PER1: variants seen among roughly 807,000 people sequenced by gnomAD.
PER1 encodes period circadian regulator 1.
A neutral mutation model predicts 125.9 loss-of-function variants in PER1; 87 were observed. The observed-to-expected ratio is 0.69, with a 90% CI of 0.58 to 0.83. PER1 has a LOEUF of 0.83. Among genes scored for constraint, PER1 ranks in the 40% least tolerant of loss-of-function variants. PER1 has a pLI of 0.00. For synonymous variants in PER1, 801 were observed against 714.7 expected, an observed-to-expected ratio of 1.12 and a Z score of -1.93; for missense variants, 1,775 against 1,722.8, an observed-to-expected ratio of 1.03 and a Z score of -0.54.
intron 1 of PER1, 46 bp from the exon 2 acceptor site, chr17:8,150,891 A>C: frequency 5.5e-6 from 3 of 546,946 alleles, no homozygotes; most frequent in East Asian, 3.1e-5. Flanking sequence ...AGCTGGTTTA[A>C]CTCCAGAGCA....
chr17:8,142,153 C>T, intron 21 of PER1, 116 bp downstream of exon 21: 2 of 1,117,604 alleles, frequency 1.8e-6, no homozygotes, highest in East Asian at 2.5e-5. Context: ...CTCCAAGGAG[C>T]AGGAAGAAAG....
At chr17:8,145,228 C>T (rs1323320409) in intron 17 of PER1, 2 of 391,298 alleles carry the variant, frequency 5.1e-6, no homozygotes, top group Non-Finnish European at 9.0e-6. Flanking sequence ...CTCCAGTGGC[C>T]ACTCCCTGCC....
chr17:8,144,936 G>A lies in PER1; in HGVS notation c.2276C>T (p.Ala759Val). The A allele has an allele frequency of 1.3e-6, 2 of 1,519,552 alleles. No individual in the cohort carries two copies. Among genetic ancestry groups the A allele is most frequent in the Non-Finnish European group, 8.8e-7 (1 of 1,132,348 alleles). The allele number at this position is 1,519,552 out of a possible 1,614,324, so 94.1% of individuals were successfully genotyped here. ...GLAPGPAPSP[A>V]PSPTVAPDPA... ...GTCAGGGGCTACTGTGGGGCTGGGG[G>A]CTGGGCTGGGGGCTGGGCCTGGGGC... Residue 759 changes from alanine (A) to valine (V), a missense_variant, in exon 18 of 23, where the codon GCC (alanine) becomes GTC (valine). Transcript: ENST00000317276.
chr17:8,148,400 C>A (rs1982598090), intron 8 of PER1, 141 bp from the exon 9 acceptor site: 1 of 822,656 alleles, frequency 1.2e-6, no homozygotes, highest in Non-Finnish European at 2.0e-6. Flanking sequence ...ATGGTCTGGG[C>A]CAATCCTATG....
intron 6 of PER1, 49 bp downstream of exon 6, chr17:8,149,413 G>A: frequency 6.2e-7 from 1 of 1,607,206 alleles, no homozygotes; most frequent in Admixed American, 1.7e-5. Context: ...CTCACAGCAG[G>A]AATTTCCTGG....
rs1982135076 is a variant in PER1, at chr17:8,142,350, T to C, written c.3368A>G (p.Lys1123Arg). 1 of 1,613,816 alleles carries C rather than the reference T, an allele frequency of 6.2e-7. No individual in the cohort carries two copies. Among genetic ancestry groups the C allele is most frequent in the African/African-American group, 1.3e-5 (1 of 74,938 alleles). ...GGAEPGDQVI[K>R]YVLQDPIWLL... is the part of the protein sequence containing the mutation. Reference sequence around the variant, plus strand: ...CCAAATGGGATCCTGGAGCACGTACTTAATCACCTGGTCCCCAGGCTCAGC... The same window carrying C: ...CCAAATGGGATCCTGGAGCACGTACCTAATCACCTGGTCCCCAGGCTCAGC... The change falls in exon 21 of 23, where the codon AAG becomes AGG. Residue 1123 changes from lysine (K) to arginine (R), a missense_variant. Coordinates refer to ENST00000317276, the MANE Select transcript of PER1 (RefSeq NM_002616.3).
intron 17 of PER1, among the ~76,000 whole-genome samples, chr17:8,145,540 T>C (rs1041518719): frequency 6.6e-6 from 1 of 152,108 alleles, no homozygotes; most frequent in Non-Finnish European, 1.5e-5. Flanking sequence ...CCCAGGCTGA[T>C]CTCGAGCTCC....
chr17:8,150,607 G>T lies in PER1; in HGVS notation c.100C>A (p.Arg34=), dbSNP rs1236897784. Reference sequence around the variant, plus strand: ...GCCAGGCTGGGGCCTGGGCAAGGCCGGTGCTGTGGGGGCCCAGGGGATGGG... The same window carrying T: ...GCCAGGCTGGGGCCTGGGCAAGGCCTGTGCTGTGGGGGCCCAGGGGATGGG... ...GVPSPGPPQH[R]PCPGPSLADD... The change falls in exon 2 of 23, where the codon CGG becomes AGG. Residue 34 remains arginine (R), a synonymous_variant. Coordinates refer to ENST00000317276, the MANE Select transcript of PER1 (RefSeq NM_002616.3). The T allele has an allele frequency of 1.9e-6, 3 of 1,613,608 alleles. No homozygotes were observed. The highest frequency in any genetic ancestry group is 2.5e-6 in the Non-Finnish European group (3 of 1,179,882).
rs1451882756 is a variant in PER1, at chr17:8,143,248, G to A, written c.3072+18C>T. The A allele has an allele frequency of 3.4e-6, 5 of 1,452,420 alleles. No individual in the cohort carries two copies. The highest frequency in any genetic ancestry group is 4.6e-6 in the Non-Finnish European group (5 of 1,098,426). 90.0% of individuals were successfully genotyped at this position (1,452,420 alleles called of 1,614,324 possible). On this transcript the variant is annotated intron_variant, in intron 19 of 22. Coordinates refer to ENST00000317276, the MANE Select transcript of PER1 (RefSeq NM_002616.3). ...CTGGGGTGGGGGCTGGCAGGCAGACGCAGGGGTCAGTGCTCACCAGTCTGG... is the reference window on the plus strand; with the variant it reads ...CTGGGGTGGGGGCTGGCAGGCAGACACAGGGGTCAGTGCTCACCAGTCTGG...
intron 18 of PER1, chr17:8,144,090 G>C (rs1356461068): frequency 2.9e-6 from 2 of 695,384 alleles, no homozygotes; most frequent in Non-Finnish European, 4.5e-6. Flanking sequence ...AAAGGAACAA[G>C]GCCAGGGAGA....
At chr17:8,143,091 G>A (rs1338094438) in intron 19 of PER1, among the ~76,000 whole-genome samples, 175 bp downstream of exon 19, 3 of 152,212 alleles carry the variant, frequency 2.0e-5, no homozygotes, top group South Asian at 4.1e-4. Context: ...AGACAGGACT[G>A]TCCCTTCAAA....
chr17:8,151,495 G>A (rs1982862114), intron 1 of PER1, among the ~76,000 whole-genome samples: 1 of 152,130 alleles, frequency 6.6e-6, no homozygotes, highest in Admixed American at 6.5e-5. Context: ...TGGCTCGGTG[G>A]CCGTAAGAAG....
Position 8,146,685 on chromosome 17 carries a change from C to T in PER1, c.1816G>A (p.Ala606Thr), listed in dbSNP as rs767902820. 1.6e-5 allele frequency: 26 copies of T among 1,613,702 alleles called. No individual in the cohort carries two copies. Among genetic ancestry groups the T allele is most frequent in the Non-Finnish European group, 2.2e-5 (26 of 1,180,012 alleles). The change falls in exon 15 of 23, where the codon GCC becomes ACC. Residue 606 changes from alanine (A) to threonine (T), a missense_variant. Ala to Thr is a moderately conservative substitution (Grantham distance 58, BLOSUM62 0). Transcript: ENST00000317276. ...ELEAGSAPVQAPLALVPEEAE... is the reference protein window; with the variant it reads ...ELEAGSAPVQTPLALVPEEAE... Reference sequence around the variant, plus strand: ...TCCTCAGGGACCAAGGCTAGTGGGGCCTGGACGGGAGCAGAACCCGCCTCC... The same window carrying T: ...TCCTCAGGGACCAAGGCTAGTGGGGTCTGGACGGGAGCAGAACCCGCCTCC...
At position 8,148,043 on chromosome 17, in the gene PER1, G is replaced by T. The variant is rs779134901; in HGVS notation, c.1188C>A (p.Phe396Leu). 4.7e-5 allele frequency: 76 copies of T among 1,613,100 alleles called. No homozygotes were observed. In the Admixed American group the frequency reaches 1.3e-3, roughly 27 times the overall value. ...TGAGGGGTCGGTCCTCAGGATGCAG[G>T]AACAGGAGCACTGGGGCCCCCAGGA... ...QDLLGAPVLL[F>L]LHPEDRPLML... is the part of the protein sequence containing the mutation. The change falls in exon 10 of 23, where the codon TTC (phenylalanine) becomes TTA (leucine). Residue 396 changes from phenylalanine to leucine, a missense_variant. Physicochemically the swap from Phe to Leu is conservative, Grantham distance 22. Transcript: ENST00000317276.
rs1177553392 is a variant in PER1, at chr17:8,149,861, T to C, written c.545A>G (p.Tyr182Cys). The C allele has an allele frequency of 6.2e-7, 1 of 1,614,112 alleles. No individual in the cohort carries two copies. Among genetic ancestry groups the C allele is most frequent in the East Asian group, 2.2e-5 (1 of 44,882 alleles). The change falls in exon 5 of 23, where the codon TAC (tyrosine) becomes TGC (cysteine). Residue 182 changes from tyrosine (Y) to cysteine (C), a missense_variant. Transcript: ENST00000317276. ...GCCCTCCTCCAGGCTCCACTGCTGG[T>C]AGTATTCCTGGTTGGCTGCAGAGTG... ...VKQVQANQEY[Y>C]QQWSLEEGEP... is the part of the protein sequence containing the mutation.
chr17:8,150,009 G>C lies in PER1; in HGVS notation c.491C>G (p.Thr164Arg). ...RGKGRSGTLATLQYALACVKQ... is the reference protein window; with the variant it reads ...RGKGRSGTLARLQYALACVKQ... Reference sequence around the variant, plus strand: ...GACACAGGCCAGTGCGTACTGCAGCGTGGCCAGGGTCCCAGAGCGGCCCTT... The same window carrying C: ...GACACAGGCCAGTGCGTACTGCAGCCTGGCCAGGGTCCCAGAGCGGCCCTT... The change falls in exon 4 of 23, where the codon ACG becomes AGG. Residue 164 changes from threonine to arginine, a missense_variant. Coordinates refer to ENST00000317276, the MANE Select transcript of PER1 (RefSeq NM_002616.3). 6.2e-7 allele frequency: 1 copy of C among 1,614,168 alleles called. No homozygotes were observed. Among genetic ancestry groups the C allele is most frequent in the Non-Finnish European group, 8.5e-7 (1 of 1,180,036 alleles).
intron 13 of PER1, 98 bp from the exon 14 acceptor site, chr17:8,147,100 C>G: frequency 7.2e-7 from 1 of 1,397,040 alleles, no homozygotes; most frequent in South Asian, 1.2e-5. Flanking sequence ...TGGGGAGGCA[C>G]AGACGCCTTG....
At position 8,141,154 on chromosome 17, in the gene PER1, A is replaced by C. The variant is rs750416893; in HGVS notation, c.3787T>G (p.Ser1263Ala). ...EAQGGAKASS[S>A]QDLAMEEEEE... ...TCCTCCTCCATAGCCAAGTCCTGAG[A>C]GCTTGAAGCCTTGGCCCCGCCTTGG... The change falls in exon 23 of 23, where the codon TCT becomes GCT. Residue 1263 changes from serine to alanine, a missense_variant. Coordinates refer to ENST00000317276, the MANE Select transcript of PER1 (RefSeq NM_002616.3). 8 of 1,614,122 alleles carry C rather than the reference A, an allele frequency of 5.0e-6. No individual in the cohort carries two copies. The highest frequency in any genetic ancestry group is 6.8e-6 in the Non-Finnish European group (8 of 1,180,006).
Position 8,149,643 on chromosome 17 carries a change from G to A in PER1, c.672C>T (p.Val224=). 6.2e-7 allele frequency: 1 copy of A among 1,610,658 alleles called. No individual in the cohort carries two copies. Among genetic ancestry groups the A allele is most frequent in the Non-Finnish European group, 8.5e-7 (1 of 1,176,978 alleles). Residue 224 remains valine (V), a synonymous_variant, in exon 6 of 23, where the codon GTC becomes GTT. Coordinates refer to ENST00000317276, the MANE Select transcript of PER1 (RefSeq NM_002616.3). ...LQNQDTFSVA[V]SFLTGRIVYI... is the part of the protein sequence containing the mutation. ...AGACGATTCGGCCCGTCAGGAAGGAGACAGCCACTGAGAAGGTATCCTGGC... is the reference window on the plus strand; with the variant it reads ...AGACGATTCGGCCCGTCAGGAAGGAAACAGCCACTGAGAAGGTATCCTGGC...
Sources: gnomAD v4.1 joint callset for allele counts (sites outside exome capture counted in the v4.1 genomes callset) on GRCh38, gnomAD v4.1.1 for gene constraint, MANE v1.5 for transcripts, NCBI Gene and HGNC (gene_info 2026-07-23, HGNC 2026-07-21) for gene names.